MEG3: variants seen among roughly 807,000 people sequenced by gnomAD.
The protein encoded by MEG3 is Very putative protein from MEG3 locus.
intron 2 of MEG3, among the ~76,000 whole-genome samples, chr14:100,838,166 C>A (rs551035086): frequency 6.6e-6 from 1 of 152,252 alleles, no homozygotes; most frequent in Non-Finnish European, 1.5e-5. Flanking sequence ...ACTGGTTTCT[C>A]ACGGACATCT....
chr14:100,846,582 G>T (rs1464631786), intron 3 of MEG3: 1 of 152,204 alleles, frequency 6.6e-6, no homozygotes, highest in Non-Finnish European at 1.5e-5. Context: ...TGTTTCACTG[G>T]TATCTATTGC....
chr14:100,856,568 G>A (rs185849266), upstream of MEG3: 4 of 152,804 alleles, frequency 2.6e-5, no homozygotes, highest in African/African-American at 9.6e-5. Flanking sequence ...GGTGTGCCAG[G>A]GGAGTGAGGA....
chr14:100,832,911 G>A (rs921983264), downstream of MEG3: 1 of 152,268 alleles, frequency 6.6e-6, no homozygotes, highest in Non-Finnish European at 1.5e-5. Flanking sequence ...CTGAGGACTG[G>A]GGGGGCCACT....
chr14:100,826,726 G>A (rs984906230), intron 1 of MEG3, among the ~76,000 whole-genome samples: 3 of 152,160 alleles, frequency 2.0e-5, no homozygotes, highest in Non-Finnish European at 1.5e-5. Flanking sequence ...GTGGATCGTG[G>A]GCGGGAGGAG....
chr14:100,840,496 C>A (rs972672976), intron 2 of MEG3, among the ~76,000 whole-genome samples: 2 of 122,828 alleles, frequency 1.6e-5, no homozygotes, highest in Admixed American at 8.1e-5. Flanking sequence ...ATGGAAGGTG[C>A]CTTTTTTTCC....
chr14:100,837,380 C>T lies in MEG3; in HGVS notation n.3045+1080C>T, dbSNP rs1236595651. 2.0e-5 allele frequency among the ~76,000 whole-genome samples: 3 copies of T among 152,112 alleles called. No homozygotes were observed. Among genetic ancestry groups the T allele is most frequent in the African/African-American group, 7.2e-5 (3 of 41,424 alleles). On this transcript the variant is annotated intron_variant and non_coding_transcript_variant, in intron 2 of 3. Coordinates refer to the MEG3 transcript ENST00000398461. The surrounding 1 kb of genome is among the most constrained non-coding windows in gnomAD (Gnocchi z 5.8). ...TCATATATGACGCCCCTGGGGTGGCCATTGTGGTGAATGAGTGCAGTTAGA... is the reference window on the plus strand; with the variant it reads ...TCATATATGACGCCCCTGGGGTGGCTATTGTGGTGAATGAGTGCAGTTAGA...
exon 1 of MEG3, chr14:100,834,847 T>C (rs575177932): frequency 1.5e-5 from 7 of 456,330 alleles, no homozygotes; most frequent in Middle Eastern, 3.3e-4. Flanking sequence ...GAATTCATTT[T>C]TGAGAGGTGT....
At chr14:100,849,314 A>G (rs1345804492) in intron 3 of MEG3, 1 of 152,168 alleles carries the variant, frequency 6.6e-6, no homozygotes, top group Non-Finnish European at 1.5e-5. Flanking sequence ...CACACGGACC[A>G]GTGTGCAGAA....
At chr14:100,839,011 A>T (rs1049453105) in intron 2 of MEG3, among the ~76,000 whole-genome samples, 4 of 152,224 alleles carry the variant, frequency 2.6e-5, no homozygotes, top group African/African-American at 9.7e-5. Context: ...GGGCAACAGG[A>T]TGCATGTGTT....
intron 2 of MEG3, among the ~76,000 whole-genome samples, chr14:100,841,311 G>A (rs1469853255): frequency 2.6e-5 from 4 of 152,236 alleles, no homozygotes; most frequent in Non-Finnish European, 5.9e-5. Context: ...GCTCAGCCCT[G>A]ACTATGGGTG....
At chr14:100,859,477 T>G (rs2038340076) in exon 1 of MEG3, 1 of 151,906 alleles carries the variant, frequency 6.6e-6, no homozygotes, top group Non-Finnish European at 1.5e-5. Flanking sequence ...CCAAACGGAG[T>G]GATGACCTGC....
intron 2 of MEG3, among the ~76,000 whole-genome samples, chr14:100,839,702 G>A (rs1373439933): frequency 6.6e-6 from 1 of 152,178 alleles, no homozygotes; most frequent in Admixed American, 6.5e-5. Flanking sequence ...GCTGATGAGG[G>A]CGTGCAGACC....
At chr14:100,850,090 A>G (rs1233163306) in intron 3 of MEG3, 3 of 152,260 alleles carry the variant, frequency 2.0e-5, no homozygotes, top group Admixed American at 1.3e-4. Flanking sequence ...ACATGGGCCA[A>G]AGATGTTTGG....
At chr14:100,858,643 G>C (rs571968910) in exon 1 of MEG3, 1 of 152,932 alleles carries the variant, frequency 6.5e-6, no homozygotes. Flanking sequence ...GAGCTTTACC[G>C]TGAGGTCTGG....
intron 3 of MEG3, chr14:100,850,697 A>T: frequency 6.6e-6 from 1 of 152,242 alleles, no homozygotes; most frequent in East Asian, 1.9e-4. Context: ...GAAGAAATGA[A>T]AAAGAAATGA....
chr14:100,833,187 G>C (rs2037447074), downstream of MEG3: 1 of 152,216 alleles, frequency 6.6e-6, no homozygotes, highest in South Asian at 2.1e-4. Flanking sequence ...TTGGGCACAG[G>C]GGGCTAGTGA....
At chr14:100,849,651 G>C (rs1595295650) in intron 3 of MEG3, 1 of 152,202 alleles carries the variant, frequency 6.6e-6, no homozygotes, top group Non-Finnish European at 1.5e-5. Context: ...AAAAGAGAAC[G>C]AATACGTGGG....
chr14:100,827,865 T>C (rs76943063), intron 1 of MEG3, among the ~76,000 whole-genome samples: 2,532 of 152,286 alleles, frequency 0.017, 71 homozygotes, highest in African/African-American at 0.055. Flanking sequence ...TTAATTGGAT[T>C]GACGAAGGTG....
chr14:100,830,016 C>T (rs2037352317), downstream of MEG3: 1 of 152,148 alleles, frequency 6.6e-6, no homozygotes, highest in Admixed American at 6.5e-5. Flanking sequence ...ATTAAAGAAA[C>T]AGAAACTTGC....
Sources: gnomAD v4.1 joint callset for allele counts (sites outside exome capture counted in the v4.1 genomes callset) on GRCh38, gnomAD v4.1.1 for gene constraint, Gnocchi (gnomAD v3.1) non-coding constraint, MANE v1.5 for transcripts, NCBI Gene and HGNC (gene_info 2026-07-23, HGNC 2026-07-21) for gene names.